FTSJ3: variants seen among roughly 807,000 people sequenced by gnomAD.
FTSJ3 encodes the protein FtsJ RNA 2'-O-methyltransferase 3.
A neutral mutation model predicts 111.5 loss-of-function variants in FTSJ3; 46 were observed. The ratio of observed to expected loss-of-function variants is 0.41; its 90% CI spans 0.33 to 0.53. FTSJ3 has a LOEUF of 0.53. FTSJ3 is among the 20% of genes least tolerant of loss of function. The pLI, the probability that FTSJ3 is intolerant of heterozygous loss-of-function variation, is 0.19. For missense variants in FTSJ3, 1,075 were observed against 1,063.8 expected (o/e 1.01, Z -0.15); for synonymous variants, 408 against 383.0 (o/e 1.07, Z -0.76).
chr17:63,824,000 C>T, intron 12 of FTSJ3, 48 bp from the exon 13 acceptor site: 1 of 1,613,742 alleles, frequency 6.2e-7, no homozygotes, highest in South Asian at 1.1e-5. Flanking sequence ...TCCAAAGTTT[C>T]TATCCATGCC....
At position 63,826,118 on chromosome 17, in the gene FTSJ3, T is replaced by C. The variant is rs370864062; in HGVS notation, c.238A>G (p.Ile80Val). The C allele has an allele frequency of 2.2e-5, 35 of 1,613,916 alleles. No homozygotes were observed. The Middle Eastern group carries it at 3.5e-3, about 159-fold the overall frequency. The change falls in exon 5 of 21, where the codon ATC becomes GTC. Residue 80 changes from isoleucine to valine, a missense_variant. Physicochemically the swap from Ile to Val is conservative, Grantham distance 29. Coordinates refer to ENST00000427159, the MANE Select transcript of FTSJ3 (RefSeq NM_017647.4). ...GTCACCACATTGGGGAGAGGCTTGA[T>C]TGGAACCAGGTCCACTCCTGGAAGA... ...SLIVGVDLVP[I>V]KPLPNVVTLQ...
In FTSJ3 at chr17:63,824,782, T is replaced by C. The variant is rs9912451; in HGVS notation, c.816+43A>G. 2.9e-3 allele frequency: 4,683 copies of C among 1,605,678 alleles called. 116 individuals are homozygous for C. The African/African-American group carries it at 0.052, about 18-fold the overall frequency. On this transcript the variant is annotated intron_variant, in intron 9 of 20. Coordinates refer to ENST00000427159, the MANE Select transcript of FTSJ3 (RefSeq NM_017647.4). ...GGTGTCAGGGGAGATCCTCAGGCCA[T>C]GTTTCTGGGGCTACCTCATGTCCCT...
rs1228227237 is a variant in FTSJ3, at chr17:63,824,867, G to T, written c.774C>A (p.Leu258=). The change falls in exon 9 of 21, where the codon CTC becomes CTA. Residue 258 remains leucine, a synonymous_variant. Transcript: ENST00000427159. ...LYHRTSVTDF[L]RAANPVDFLS... Reference sequence around the variant, plus strand: ...GGAAGTCAACAGGGTTGGCAGCTCGGAGGAAGTCAGTGACTGAGGTACGGT... The same window carrying T: ...GGAAGTCAACAGGGTTGGCAGCTCGTAGGAAGTCAGTGACTGAGGTACGGT... The T allele has an allele frequency of 1.2e-6, 2 of 1,601,982 alleles. No individual in the cohort carries two copies. The highest frequency in any genetic ancestry group is 2.7e-5 in the African/African-American group (2 of 74,924).
Position 63,821,098 on chromosome 17 carries a change from C to T in FTSJ3, c.1904G>A (p.Gly635Asp). The T allele has an allele frequency of 1.9e-6, 3 of 1,614,146 alleles. No individual in the cohort carries two copies. The highest frequency in any genetic ancestry group is 1.7e-6 in the Non-Finnish European group (2 of 1,180,018). The change falls in exon 17 of 21, where the codon GGT becomes GAT. Residue 635 changes from glycine (G) to aspartate (D), a missense_variant. Coordinates refer to ENST00000427159, the MANE Select transcript of FTSJ3 (RefSeq NM_017647.4). ...CTTAGGCCCACGGCTTCGCTTCTTA[C>T]CACGGAGGGGTTCCCAGCTGTGAAG... is the stretch of plus-strand genomic sequence containing the variant. ...EEEESWEPLR[G>D]KKRSRGPKSD... is the part of the protein sequence containing the mutation.
chr17:63,819,911 C>G lies in FTSJ3; in HGVS notation c.2435G>C (p.Arg812Pro). The change falls in exon 21 of 21, where the codon CGC becomes CCC. Residue 812 changes from arginine to proline, a missense_variant. Transcript: ENST00000427159. ...VAKKGVGRKV[R>P]RPAGVRGHFK... ...ATGACCTCTGACTCCAGCTGGCCGG[C>G]GCACTTTGCGGCCCACACCTTTTTT... 1 of 1,614,160 alleles carries G rather than the reference C, an allele frequency of 6.2e-7. No homozygotes were observed. The highest frequency in any genetic ancestry group is 8.5e-7 in the Non-Finnish European group (1 of 1,180,026).
In FTSJ3 at chr17:63,827,369, C is replaced by G; in HGVS notation, c.-344G>C. 1 of 1,412,542 alleles carries G rather than the reference C, an allele frequency of 7.1e-7. No homozygotes were observed. Among genetic ancestry groups the G allele is most frequent in the Non-Finnish European group, 9.8e-7 (1 of 1,025,336 alleles). The allele number at this position is 1,412,542 out of a possible 1,614,324, so 87.5% of individuals were successfully genotyped here. A position where few individuals can be genotyped will look rare whatever the true frequency, so the allele number is the denominator to read the frequency against. ...TCATGGTTCCCTTAGTGTGGTCTCG[C>G]CGCACACCCCGCCCATTGACCCGGA... On this transcript the variant is annotated 5_prime_UTR_variant, in exon 1 of 21. Transcript: ENST00000427159.
intron 2 of FTSJ3, 74 bp downstream of exon 2, chr17:63,826,762 T>A: frequency 6.4e-7 from 1 of 1,565,258 alleles, no homozygotes; most frequent in Middle Eastern, 1.7e-4. Context: ...GAGAGGTACA[T>A]AATGGTCGCA....
In FTSJ3 at chr17:63,824,044, T is replaced by C. The variant is rs768212976; in HGVS notation, c.1154+40A>G. 2.5e-6 allele frequency: 4 copies of C among 1,613,984 alleles called. No individual in the cohort carries two copies. The South Asian group carries it at 3.3e-5, about 13-fold the overall frequency. ...TCTTCTCCCATCTTCACACAGTCCCTGCGTTGGGGAACTCCAAGCTCTACC... is the reference window on the plus strand; with the variant it reads ...TCTTCTCCCATCTTCACACAGTCCCCGCGTTGGGGAACTCCAAGCTCTACC... On this transcript the variant is annotated intron_variant, in intron 12 of 20. Transcript: ENST00000427159.
In FTSJ3 at chr17:63,822,034, T is replaced by C; in HGVS notation, c.1425A>G (p.Pro475=). ...DDTSLDSDLD[P]EELAGVRGHQ... Reference sequence around the variant, plus strand: ...GTCCCCTGACTCCTGCCAGCTCCTCTGGATCCAGGTCACTATCCAGAGATG... The same window carrying C: ...GTCCCCTGACTCCTGCCAGCTCCTCCGGATCCAGGTCACTATCCAGAGATG... Residue 475 remains proline, a synonymous_variant, in exon 14 of 21, where the codon CCA becomes CCG. Coordinates refer to ENST00000427159, the MANE Select transcript of FTSJ3 (RefSeq NM_017647.4). 1 of 1,614,192 alleles carries C rather than the reference T, an allele frequency of 6.2e-7. No homozygotes were observed. The highest frequency in any genetic ancestry group is 2.2e-5 in the East Asian group (1 of 44,882).
chr17:63,825,966 AC>A, intron 5 of FTSJ3, 89 bp downstream of exon 5: 1 of 1,080,786 alleles, frequency 9.3e-7, no homozygotes, highest in Non-Finnish European at 1.4e-6. Flanking sequence ...TGCTCAAAGC[AC>A]GGTAAAAAGG....
Position 63,821,084 on chromosome 17 carries a change from G to A in FTSJ3, c.1918C>T (p.Arg640Cys), listed in dbSNP as rs138518008. 2.1e-4 allele frequency: 332 copies of A among 1,614,004 alleles called. No homozygotes were observed. Among genetic ancestry groups the A allele is most frequent in the Middle Eastern group, 3.3e-4 (2 of 6,084 alleles). Residue 640 changes from arginine (R) to cysteine (C), a missense_variant, in exon 17 of 21, where the codon CGT (arginine) becomes TGT (cysteine). By Grantham distance (180) the Arg-to-Cys change is radical (BLOSUM62 -3). Around this residue, in one of 2 missense-constraint regions of FTSJ3, gnomAD observed 867 missense variants for 796.9 expected, o/e 1.09. Transcript: ENST00000427159. ...CCGTCATCATCTGACTTAGGCCCAC[G>A]GCTTCGCTTCTTACCACGGAGGGGT... ...WEPLRGKKRSRGPKSDDDGFE... is the reference protein window; with the variant it reads ...WEPLRGKKRSCGPKSDDDGFE...
Position 63,820,248 on chromosome 17 carries a change from C to T in FTSJ3, c.2256+7G>A, listed in dbSNP as rs2040036033. On this transcript the variant is annotated splice_region_variant and intron_variant, in intron 19 of 20. Transcript: ENST00000427159. Reference sequence around the variant, plus strand: ...CCCACCCAATCTCTGGAGGCCCCATCACTTACCCTCCTTTTCTTTCTAGCC... The same window carrying T: ...CCCACCCAATCTCTGGAGGCCCCATTACTTACCCTCCTTTTCTTTCTAGCC... The T allele has an allele frequency of 6.3e-7, 1 of 1,589,312 alleles. No individual in the cohort carries two copies. Among genetic ancestry groups the T allele is most frequent in the African/African-American group, 1.4e-5 (1 of 73,062 alleles).
rs973791225 is a variant in FTSJ3, at chr17:63,824,919, T to C, written c.722A>G (p.Tyr241Cys). 2.5e-6 allele frequency: 4 copies of C among 1,585,514 alleles called. No homozygotes were observed. Among genetic ancestry groups the C allele is most frequent in the Non-Finnish European group, 8.6e-7 (1 of 1,165,112 alleles). The change falls in exon 9 of 21, where the codon TAT (tyrosine) becomes TGT (cysteine). Residue 241 changes from tyrosine (Y) to cysteine (C), a missense_variant. Physicochemically the swap from Tyr to Cys is radical, Grantham distance 194. Around this residue, in one of 2 missense-constraint regions of FTSJ3, gnomAD observed 867 missense variants for 796.9 expected, o/e 1.09. Transcript: ENST00000427159. ...ATAGAGAGTGAGGTCACCCTCAGCA[T>C]AGCCTTCAGCCTTAGGAAGGAAAAG... Reference protein sequence around the residue: ...VTKKKPKAEGYAEGDLTLYHR... With the variant: ...VTKKKPKAEGCAEGDLTLYHR...
At chr17:63,826,482 C>A in intron 3 of FTSJ3, 85 bp downstream of exon 3, 1 of 1,286,406 alleles carries the variant, frequency 7.8e-7, no homozygotes, top group Non-Finnish European at 1.1e-6. Flanking sequence ...ATTCGGGTTC[C>A]CCTCCCGCAG....
intron 20 of FTSJ3, 28 bp downstream of exon 20, chr17:63,820,051 G>T (rs746391206): frequency 1.9e-6 from 3 of 1,613,736 alleles, no homozygotes; most frequent in Admixed American, 3.3e-5. Context: ...TTTTAGCCCT[G>T]TGTACCTTTG....
chr17:63,820,207 A>ACCCCCCCCCCCCC, intron 19 of FTSJ3, 34 bp from the exon 20 acceptor site: 1 of 310,962 alleles, frequency 3.2e-6, no homozygotes, highest in Non-Finnish European at 5.6e-6. Flanking sequence ...CCTCTTCCCC[A>ACCCCCCCCCCCCC]TCCCCCCACC....
intron 16 of FTSJ3, 116 bp downstream of exon 16, chr17:63,821,238 C>G: frequency 6.6e-7 from 1 of 1,509,964 alleles, no homozygotes; most frequent in Non-Finnish European, 9.1e-7. Context: ...TCAGGATCGT[C>G]AGTACAGTAT....
In FTSJ3 at chr17:63,822,072, C is replaced by T. The variant is rs764463921; in HGVS notation, c.1387G>A (p.Asp463Asn). Reference protein sequence around the residue: ...DDIYVSDVEDDGDDTSLDSDL... With the variant: ...DDIYVSDVEDNGDDTSLDSDL... ...CTATCCAGAGATGTGTCATCACCGTCGTCCTCAACATCTGACACATAGATA... is the reference window on the plus strand; with the variant it reads ...CTATCCAGAGATGTGTCATCACCGTTGTCCTCAACATCTGACACATAGATA... The change falls in exon 14 of 21, where the codon GAC (aspartate) becomes AAC (asparagine). Residue 463 changes from aspartate to asparagine, a missense_variant. This residue lies in a region of FTSJ3 where 867 missense variants were observed against 796.9 expected (regional missense o/e 1.09). Coordinates refer to ENST00000427159, the MANE Select transcript of FTSJ3 (RefSeq NM_017647.4). 9.4e-5 allele frequency: 151 copies of T among 1,614,062 alleles called. No individual in the cohort carries two copies. Among genetic ancestry groups the T allele is most frequent in the Admixed American group, 7.5e-4 (45 of 60,008 alleles).
rs754393764 is a variant in FTSJ3 at position 63,822,146 on chromosome 17, C to A, written c.1313G>T (p.Gly438Val). Residue 438 changes from glycine (G) to valine (V), a missense_variant, in exon 14 of 21, where the codon GGG (glycine) becomes GTG (valine). This residue lies in a region of FTSJ3 where 867 missense variants were observed against 796.9 expected (regional missense o/e 1.09). Coordinates refer to ENST00000427159, the MANE Select transcript of FTSJ3 (RefSeq NM_017647.4). ...GHQLLEEVTQGDMSAADTFLS... is the reference protein window; with the variant it reads ...GHQLLEEVTQVDMSAADTFLS... ...AAATGTGTCTGCTGCACTCATATCC[C>A]CTTGTGTTACTTCCTCTAATAACTG... The A allele has an allele frequency of 6.2e-7, 1 of 1,613,994 alleles. No individual in the cohort carries two copies. The highest frequency in any genetic ancestry group is 8.5e-7 in the Non-Finnish European group (1 of 1,179,924).
Sources: allele counts gnomAD v4.1 joint callset, GRCh38; gene constraint gnomAD v4.1.1; regional missense constraint gnomAD v4.1.1; transcripts MANE v1.5; gene names NCBI Gene and HGNC (gene_info 2026-07-23, HGNC 2026-07-21).